Variants in ZFYVE28 observed in about 807,000 individuals in gnomAD.
ZFYVE28 encodes zinc finger FYVE-type containing 28.
In ZFYVE28, 40 loss-of-function variants were observed where a neutral mutation model predicts 82.1. The ratio of observed to expected loss-of-function variants is 0.49; its 90% confidence interval spans 0.38 to 0.63. ZFYVE28 has a LOEUF of 0.63. Ranked by LOEUF, ZFYVE28 falls within the 30% of genes least tolerant of loss-of-function variation. The pLI, the probability that ZFYVE28 is intolerant of heterozygous loss-of-function variation, is 0.00. For missense variants in ZFYVE28, 1,321 were observed against 1,242.1 expected, an observed-to-expected ratio of 1.06 and a Z score of -0.96; for synonymous variants, 612 against 546.1, an observed-to-expected ratio of 1.12 and a Z score of -1.68.
At chr4:2,389,698 C>G (rs1020586155) in intron 1 of ZFYVE28, among the ~76,000 whole-genome samples, 5 of 152,214 alleles carry the variant, frequency 3.3e-5, no homozygotes, top group Admixed American at 2.6e-4. Context: ...CCTGCAGATT[C>G]AGACACATCC....
intron 2 of ZFYVE28, among the ~76,000 whole-genome samples, chr4:2,350,419 G>A (rs371205932): frequency 2.0e-5 from 3 of 151,820 alleles, no homozygotes; most frequent in Admixed American, 6.6e-5. Context: ...AGCCGAGATC[G>A]CGCCACTGCA....
intron 8 of ZFYVE28, among the ~76,000 whole-genome samples, chr4:2,288,277 C>G (rs565093353): frequency 4.0e-4 from 61 of 152,306 alleles, no homozygotes; most frequent in Non-Finnish European, 7.5e-4. Flanking sequence ...CCTAAGCCCC[C>G]CTGTGGCCCC....
At chr4:2,306,053 A>G (rs560676018) in intron 7 of ZFYVE28, among the ~76,000 whole-genome samples, 13 of 152,336 alleles carry the variant, frequency 8.5e-5, no homozygotes, top group African/African-American at 3.1e-4. Flanking sequence ...TATACAAACA[A>G]TGACTGAACT....
Position 2,353,963 on chromosome 4 carries a change from C to T in ZFYVE28, c.150G>A (p.Thr50=), listed in dbSNP as rs772993827. Reference sequence around the variant, plus strand: ...AGGAGCGGAACTGGCTGACCAGCAGCGTGCACCGCTGGGGGTCCTTCCGCC... The same window carrying T: ...AGGAGCGGAACTGGCTGACCAGCAGTGTGCACCGCTGGGGGTCCTTCCGCC... ...LDGRKDPQRC[T]LLVSQFRSCQ... is the part of the protein sequence containing the mutation. The change falls in exon 2 of 13, where the codon ACG becomes ACA. Residue 50 remains threonine, a synonymous_variant. Transcript: ENST00000290974. 7.0e-6 allele frequency: 11 copies of T among 1,567,686 alleles called. No homozygotes were observed. The highest frequency in any genetic ancestry group is 2.4e-5 in the South Asian group (2 of 84,416).
intron 7 of ZFYVE28, among the ~76,000 whole-genome samples, chr4:2,312,774 G>A (rs1717669714): frequency 6.7e-6 from 1 of 148,262 alleles, no homozygotes; most frequent in Admixed American, 6.7e-5. Context: ...GCCAGGTACA[G>A]TGGCTCACAC....
chr4:2,283,581 T>TCCAC (rs1284872872), intron 8 of ZFYVE28, among the ~76,000 whole-genome samples: 2 of 150,984 alleles, frequency 1.3e-5, no homozygotes, highest in African/African-American at 4.9e-5. Flanking sequence ...CATCCACCCA[T>TCCAC]CCATCCATCC....
intron 1 of ZFYVE28, among the ~76,000 whole-genome samples, chr4:2,407,336 C>T (rs1251859541): frequency 1.3e-5 from 2 of 152,086 alleles, no homozygotes; most frequent in African/African-American, 4.8e-5. Flanking sequence ...AGAAAGATTT[C>T]GCTCCACAGT....
chr4:2,389,851 A>G (rs1364237380), intron 1 of ZFYVE28, among the ~76,000 whole-genome samples: 2 of 152,134 alleles, frequency 1.3e-5, no homozygotes, highest in Admixed American at 1.3e-4. Context: ...AGGAAAACAC[A>G]CCACGTGCTC....
chr4:2,322,048 G>A (rs1399761792), intron 6 of ZFYVE28, among the ~76,000 whole-genome samples: 2 of 152,252 alleles, frequency 1.3e-5, no homozygotes, highest in Non-Finnish European at 2.9e-5. Context: ...CCCACATCCA[G>A]CCGTGTGTTA....
chr4:2,323,449 ATCT>A (rs1163913385), intron 6 of ZFYVE28, among the ~76,000 whole-genome samples: 5 of 152,182 alleles, frequency 3.3e-5, no homozygotes, highest in African/African-American at 1.2e-4. Flanking sequence ...TGGACATTAA[ATCT>A]TCATCAGATA....
chr4:2,389,132 GC>G (rs1560323628), intron 1 of ZFYVE28, among the ~76,000 whole-genome samples: 2 of 152,016 alleles, frequency 1.3e-5, no homozygotes, highest in African/African-American at 4.8e-5. Flanking sequence ...CATGGCTCCT[GC>G]CCCCTAGATC....
chr4:2,271,108 G>A, intron 12 of ZFYVE28: 1 of 736,296 alleles, frequency 1.4e-6, no homozygotes. Flanking sequence ...GCAGCAGCCG[G>A]GACTGGACAT....
intron 7 of ZFYVE28, among the ~76,000 whole-genome samples, chr4:2,309,461 A>T (rs745780441): frequency 2.0e-5 from 3 of 152,224 alleles, no homozygotes; most frequent in South Asian, 4.1e-4. Context: ...ATACAGAAAG[A>T]CCACTTATTT....
In ZFYVE28 at chr4:2,341,535, C is replaced by T; in HGVS notation, c.261G>A (p.Lys87=). The change falls in exon 3 of 13, where the codon AAG becomes AAA. Residue 87 remains lysine, a synonymous_variant. Coordinates refer to ENST00000290974, the MANE Select transcript of ZFYVE28 (RefSeq NM_020972.3). The surrounding 1 kb of genome is among the most constrained non-coding windows in gnomAD (Gnocchi z 4.5). ...QDRAPRDFCV[K]FPEEIRHDNL... ...TGTCGTGCCGGATCTCCTCAGGGAACTTGACGCAGAAATCTCTGGGGGCGC... is the reference window on the plus strand; with the variant it reads ...TGTCGTGCCGGATCTCCTCAGGGAATTTGACGCAGAAATCTCTGGGGGCGC... 6.2e-7 allele frequency: 1 copy of T among 1,614,068 alleles called. No homozygotes were observed.
rs1436043352 is a variant in ZFYVE28, at chr4:2,304,993, C to A, written c.1347G>T (p.Leu449Phe). ...GGPGGAAGIS[L>F]PASEKEEDLS... Reference sequence around the variant, plus strand: ...AGTCCTCCTCCTTTTCCGAGGCGGGCAAGCTGATCCCCGCCGCTCCGCCTG... The same window carrying A: ...AGTCCTCCTCCTTTTCCGAGGCGGGAAAGCTGATCCCCGCCGCTCCGCCTG... The change falls in exon 8 of 13, where the codon TTG becomes TTT. Residue 449 changes from leucine to phenylalanine, a missense_variant. Coordinates refer to ENST00000290974, the MANE Select transcript of ZFYVE28 (RefSeq NM_020972.3). The A allele has an allele frequency of 1.2e-6, 2 of 1,612,730 alleles. No individual in the cohort carries two copies. Among genetic ancestry groups the A allele is most frequent in the Non-Finnish European group, 1.7e-6 (2 of 1,179,886 alleles).
chr4:2,282,768 AT>A (rs956599528), intron 8 of ZFYVE28, among the ~76,000 whole-genome samples: 7 of 152,188 alleles, frequency 4.6e-5, no homozygotes, highest in African/African-American at 1.4e-4. Flanking sequence ...AGATACATTA[AT>A]TTTTGAACTC....
At chr4:2,397,696 C>G (rs1185730811) in intron 1 of ZFYVE28, among the ~76,000 whole-genome samples, 1 of 152,082 alleles carries the variant, frequency 6.6e-6, no homozygotes, top group African/African-American at 2.4e-5. Context: ...GTGATTTAGT[C>G]TTTTTCAGCA....
chr4:2,379,369 C>G (rs1356828171), intron 1 of ZFYVE28, among the ~76,000 whole-genome samples: 2 of 152,240 alleles, frequency 1.3e-5, no homozygotes, highest in Admixed American at 1.3e-4. Flanking sequence ...GGAGCTGTCC[C>G]CCTATGCCAG....
chr4:2,316,715 T>TG (rs1344478146), intron 7 of ZFYVE28, among the ~76,000 whole-genome samples: 24 of 146,206 alleles, frequency 1.6e-4, no homozygotes, highest in Non-Finnish European at 3.3e-4. Context: ...TTTTTTGAGA[T>TG]GGAGTCTCGC....
Sources: gnomAD v4.1 joint callset for allele counts (sites outside exome capture counted in the v4.1 genomes callset) on GRCh38, gnomAD v4.1.1 for gene constraint, Gnocchi (gnomAD v3.1) non-coding constraint, MANE v1.5 for transcripts, NCBI Gene and HGNC (gene_info 2026-07-23, HGNC 2026-07-21) for gene names.